The following RASGEF1A variants were observed in gnomAD, a reference collection of about 807,000 sequenced individuals.
RASGEF1A encodes RasGEF domain family member 1A.
A neutral mutation model predicts 56.4 loss-of-function variants in RASGEF1A; 18 were observed. The ratio of observed to expected loss-of-function variants is 0.32; its 90% CI spans 0.22 to 0.47. The LOEUF (loss-of-function observed/expected upper bound fraction) is 0.47. RASGEF1A is among the 20% of genes least tolerant of loss of function. The pLI is 1.00. For missense variants in RASGEF1A, 422 were observed against 627.1 expected (o/e 0.67, Z 3.49); for synonymous variants, 245 against 242.6 (o/e 1.01, Z -0.09).
intron 1 of RASGEF1A, among the ~76,000 whole-genome samples, chr10:43,216,491 G>A (rs879922560): frequency 1.3e-5 from 2 of 152,210 alleles, no homozygotes; most frequent in Non-Finnish European, 2.9e-5. Context: ...TGAGTGTATG[G>A]GAGGCAGGCA....
intron 1 of RASGEF1A, among the ~76,000 whole-genome samples, chr10:43,212,219 G>T (rs747499009): frequency 6.6e-6 from 1 of 152,212 alleles, no homozygotes; most frequent in Non-Finnish European, 1.5e-5. Context: ...GATGCCAGCT[G>T]TTGTTGGAAC....
At chr10:43,239,753 T>C (rs1840479400) in intron 1 of RASGEF1A, among the ~76,000 whole-genome samples, 1 of 152,218 alleles carries the variant, frequency 6.6e-6, no homozygotes, top group Admixed American at 6.5e-5. Context: ...GTAGTTCCCA[T>C]GGAGACCCCA....
At chr10:43,221,719 G>A (rs915694424) in intron 1 of RASGEF1A, among the ~76,000 whole-genome samples, 4 of 152,248 alleles carry the variant, frequency 2.6e-5, no homozygotes, top group Admixed American at 1.3e-4. Flanking sequence ...CAAGGGGCCC[G>A]TGCTGCATTC....
intron 1 of RASGEF1A, among the ~76,000 whole-genome samples, chr10:43,228,388 G>C (rs1472541434): frequency 1.3e-5 from 2 of 152,222 alleles, no homozygotes; most frequent in Non-Finnish European, 2.9e-5. Context: ...GTTGCTGGGG[G>C]AGCAGGACTG....
chr10:43,202,031 A>C, intron 3 of RASGEF1A, 86 bp from the exon 4 acceptor site: 1 of 1,404,916 alleles, frequency 7.1e-7, no homozygotes, highest in Non-Finnish European at 9.5e-7. Context: ...CCACATCCCC[A>C]AGCCACACCC....
chr10:43,206,797 A>C (rs1840002716), intron 1 of RASGEF1A: 1 of 985,936 alleles, frequency 1.0e-6, no homozygotes, highest in East Asian at 1.1e-4. Context: ...TCTTGGGCCA[A>C]GTGGCTGACC....
chr10:43,241,097 G>A (rs574755140), intron 1 of RASGEF1A, among the ~76,000 whole-genome samples: 8 of 152,198 alleles, frequency 5.3e-5, no homozygotes, highest in Admixed American at 3.9e-4. Context: ...TGAAATAGTA[G>A]GACAATAAGC....
chr10:43,260,079 T>A (rs1282158865), intron 1 of RASGEF1A, among the ~76,000 whole-genome samples: 2 of 152,208 alleles, frequency 1.3e-5, no homozygotes, highest in South Asian at 2.1e-4. Flanking sequence ...AGTGTAATGA[T>A]GCTGGCATCA....
chr10:43,221,495 G>T (rs1048212534), intron 1 of RASGEF1A, among the ~76,000 whole-genome samples: 1 of 152,218 alleles, frequency 6.6e-6, no homozygotes, highest in Non-Finnish European at 1.5e-5. Context: ...GGAAACTGGT[G>T]GAGCTGGGAT....
At chr10:43,207,983 G>A in intron 1 of RASGEF1A, 2 of 929,762 alleles carry the variant, frequency 2.2e-6, no homozygotes, top group Non-Finnish European at 2.6e-6. Flanking sequence ...AGCCAGAAGT[G>A]GCTGTATCAT....
At chr10:43,238,099 A>G (rs2418550) in intron 1 of RASGEF1A, among the ~76,000 whole-genome samples, 110,108 of 145,228 alleles carry the variant, frequency 0.76, 41,946 homozygotes, top group East Asian at 0.96. Context: ...TGGGGGGCGG[A>G]GGGAGGGGGG....
At chr10:43,232,490 T>A (rs1029471665) in intron 1 of RASGEF1A, among the ~76,000 whole-genome samples, 16 of 150,324 alleles carry the variant, frequency 1.1e-4, no homozygotes. Context: ...TCCGGCTTTT[T>A]TTTTTTTTTT....
intron 1 of RASGEF1A, among the ~76,000 whole-genome samples, chr10:43,256,177 C>T (rs2133228411): frequency 6.6e-6 from 1 of 152,158 alleles, no homozygotes; most frequent in East Asian, 1.9e-4. Context: ...CCCCACAAGC[C>T]ACAGGTGGAG....
intron 1 of RASGEF1A, among the ~76,000 whole-genome samples, chr10:43,248,501 T>C (rs1840591856): frequency 2.0e-5 from 3 of 152,188 alleles, no homozygotes; most frequent in Non-Finnish European, 4.4e-5. Flanking sequence ...TTCAATTTCT[T>C]AGAAGAAAAG....
At chr10:43,211,382 C>T (rs902339731) in intron 1 of RASGEF1A, among the ~76,000 whole-genome samples, 1 of 152,180 alleles carries the variant, frequency 6.6e-6, no homozygotes, top group African/African-American at 2.4e-5. Flanking sequence ...CTGACCTGCA[C>T]AGCCTCAGCA....
intron 1 of RASGEF1A, among the ~76,000 whole-genome samples, chr10:43,257,559 G>C (rs1177569241): frequency 6.6e-6 from 1 of 152,160 alleles, no homozygotes; most frequent in East Asian, 1.9e-4. Context: ...CTTCCTAGGA[G>C]GGTGGGGATG....
At chr10:43,265,665 T>G (rs1369794767) in intron 1 of RASGEF1A, among the ~76,000 whole-genome samples, 1 of 152,228 alleles carries the variant, frequency 6.6e-6, no homozygotes, top group East Asian at 1.9e-4. Flanking sequence ...ACCGTGTCAG[T>G]CTACAGATGG....
chr10:43,208,391 T>C, intron 1 of RASGEF1A: 1 of 985,702 alleles, frequency 1.0e-6, no homozygotes. Context: ...CAGAGAGACC[T>C]GCCTCAGTGC....
intron 2 of RASGEF1A, among the ~76,000 whole-genome samples, chr10:43,205,098 G>A (rs966532020): frequency 1.6e-4 from 24 of 152,212 alleles, no homozygotes; most frequent in Admixed American, 1.5e-3. Flanking sequence ...CTGCAGCCCC[G>A]TTCAGTGGAA....
Sources: gnomAD v4.1 joint callset for allele counts (sites outside exome capture counted in the v4.1 genomes callset) on GRCh38, gnomAD v4.1.1 for gene constraint, MANE v1.5 for transcripts, NCBI Gene and HGNC (gene_info 2026-07-23, HGNC 2026-07-21) for gene names.